DCDC1: variants seen among roughly 807,000 people sequenced by gnomAD.
DCDC1 encodes doublecortin domain-containing protein 1.
Under a neutral mutation model 178.3 loss-of-function variants are expected in DCDC1, and 200 were observed. The observed-to-expected ratio is 1.12, with a 90% CI of 1.00 to 1.26. The LOEUF is 1.26. Ranked by LOEUF, DCDC1 falls within the 50% of genes most tolerant of loss-of-function variation. DCDC1 has a pLI of 0.00. For synonymous variants in DCDC1, 690 were observed against 604.8 expected (o/e 1.14, Z -2.07); for missense variants, 1,983 against 1,749.2 (o/e 1.13, Z -2.38).
In DCDC1 at chr11:30,976,360, C is replaced by T. The variant is rs143473980; in HGVS notation, c.2592-23792G>A. On this transcript the variant is annotated intron_variant, in intron 20 of 38. Coordinates refer to ENST00000684477, the MANE Select transcript of DCDC1 (RefSeq NM_001387274.1). Reference sequence around the variant, plus strand: ...ACTATATTAAACTAAAAAGCTTCTGCACAGCAAAGTAAACAATCAACAAAG... The same window carrying T: ...ACTATATTAAACTAAAAAGCTTCTGTACAGCAAAGTAAACAATCAACAAAG... 6.9e-3 allele frequency among the ~76,000 whole-genome samples: 1,054 copies of T among 152,124 alleles called. 7 individuals are homozygous for T. Among genetic ancestry groups the T allele is most frequent in the Middle Eastern group, 0.031 (9 of 294 alleles).
intron 20 of DCDC1, among the ~76,000 whole-genome samples, chr11:30,979,710 T>C (rs1950289402): frequency 6.6e-6 from 1 of 152,040 alleles, no homozygotes; most frequent in Non-Finnish European, 1.5e-5. Flanking sequence ...CATGGAAAAA[T>C]AACCCATGTT....
chr11:31,295,550 G>A lies in DCDC1; in HGVS notation c.755-4698C>T, dbSNP rs112107624. ...CTCCCTCTTACCTAGGGAGACAGCC[G>A]ACAGCCAATGATTGACTGATTCTGG... On this transcript the variant is annotated intron_variant, in intron 6 of 38. Coordinates refer to ENST00000684477, the MANE Select transcript of DCDC1 (RefSeq NM_001387274.1). Among the ~76,000 whole-genome samples, 320 of 152,242 alleles carry A rather than the reference G, an allele frequency of 2.1e-3. 1 individual carries two copies. The highest frequency in any genetic ancestry group is 7.2e-3 in the African/African-American group (301 of 41,548).
At chr11:31,257,315 C>T (rs1417955857) in intron 8 of DCDC1, among the ~76,000 whole-genome samples, 1 of 152,100 alleles carries the variant, frequency 6.6e-6, no homozygotes, top group African/African-American at 2.4e-5. Flanking sequence ...TTAAAGTAAC[C>T]TCTATCAATC....
chr11:31,061,493 A>ATT (rs1430697697), intron 20 of DCDC1, among the ~76,000 whole-genome samples: 2 of 151,964 alleles, frequency 1.3e-5, no homozygotes, highest in Admixed American at 6.6e-5. Context: ...AGAAACTGAA[A>ATT]TTACATCTAC....
intron 17 of DCDC1, among the ~76,000 whole-genome samples, chr11:31,088,949 C>T (rs1426911434): frequency 1.3e-5 from 2 of 152,166 alleles, no homozygotes; most frequent in East Asian, 3.9e-4. Context: ...ATCTGCCCAC[C>T]TCAGTATCCC....
At chr11:31,224,747 A>G (rs555701275) in intron 9 of DCDC1, among the ~76,000 whole-genome samples, 1 of 152,256 alleles carries the variant, frequency 6.6e-6, no homozygotes, top group South Asian at 2.1e-4. Flanking sequence ...GCCAGCAAAC[A>G]TATGAAGAAA....
chr11:31,033,186 C>A (rs1953778384), intron 20 of DCDC1, among the ~76,000 whole-genome samples: 1 of 151,752 alleles, frequency 6.6e-6, no homozygotes, highest in African/African-American at 2.4e-5. Context: ...CAAAGCTGGC[C>A]CAAAAAAGTC....
chr11:31,310,270 GTTT>G (rs1231982729), intron 3 of DCDC1, among the ~76,000 whole-genome samples: 1 of 113,224 alleles, frequency 8.8e-6, no homozygotes, highest in Non-Finnish European at 1.8e-5. Flanking sequence ...GCTTTGATAT[GTTT>G]TACAACATTG....
chr11:30,887,207 C>T (rs78110818), intron 36 of DCDC1, among the ~76,000 whole-genome samples: 3,610 of 152,168 alleles, frequency 0.024, 122 homozygotes, highest in African/African-American at 0.082. Context: ...TGAAGAACGA[C>T]TTGTATTCAT....
At chr11:31,359,100 C>T (rs1444360322) in intron 1 of DCDC1, among the ~76,000 whole-genome samples, 2 of 152,028 alleles carry the variant, frequency 1.3e-5, no homozygotes, top group Admixed American at 6.6e-5. Flanking sequence ...ACCCAAAGGA[C>T]TATAAATCAT....
intron 6 of DCDC1, among the ~76,000 whole-genome samples, chr11:31,303,880 T>C (rs927686365): frequency 2.0e-5 from 3 of 152,104 alleles, no homozygotes; most frequent in Non-Finnish European, 2.9e-5. Flanking sequence ...AGCATAAAGA[T>C]TGATTATCAG....
At chr11:31,309,971 T>C (rs1234628746) in intron 3 of DCDC1, among the ~76,000 whole-genome samples, 4 of 152,278 alleles carry the variant, frequency 2.6e-5, no homozygotes, top group Admixed American at 1.3e-4. Context: ...GGGCTGTCTA[T>C]CATTTTTGTT....
rs576095701 is a variant in DCDC1 at position 31,173,254 on chromosome 11, T to C, written c.1222-35470A>G. Among the ~76,000 whole-genome samples, 6 of 152,346 alleles carry C rather than the reference T, an allele frequency of 3.9e-5. No homozygotes were observed. The South Asian group carries it at 1.2e-3, about 32-fold the overall frequency. ...AGAAAGTGACGAAGAATTTGGTGTA[T>C]ACCAACAATTAATTCAGTGTATGAC... On this transcript the variant is annotated intron_variant, in intron 9 of 38. Transcript: ENST00000684477.
intron 18 of DCDC1, among the ~76,000 whole-genome samples, chr11:31,075,793 T>C (rs963799563): frequency 6.6e-6 from 1 of 152,226 alleles, no homozygotes; most frequent in Non-Finnish European, 1.5e-5. Flanking sequence ...ATTAGCCCCC[T>C]GTGGGGGACT....
intron 9 of DCDC1, among the ~76,000 whole-genome samples, chr11:31,148,857 ACACTGTGCCCAATATG>A (rs1964793360): frequency 6.6e-6 from 1 of 152,120 alleles, no homozygotes; most frequent in Admixed American, 6.5e-5. Flanking sequence ...CAAGCAGTAT[ACACTGTGCCCAATATG>A]TAGTATTTTA....
intron 9 of DCDC1, among the ~76,000 whole-genome samples, chr11:31,165,070 A>G (rs1272222524): frequency 6.6e-6 from 1 of 152,214 alleles, no homozygotes; most frequent in Non-Finnish European, 1.5e-5. Flanking sequence ...CAAATAGGCT[A>G]TACCACATAG....
chr11:30,950,616 T>C (rs1328380192), intron 21 of DCDC1, among the ~76,000 whole-genome samples: 5 of 152,118 alleles, frequency 3.3e-5, no homozygotes, highest in African/African-American at 1.2e-4. Context: ...ACAAATATTG[T>C]ATGTTTTCAC....
intron 15 of DCDC1, among the ~76,000 whole-genome samples, chr11:31,094,538 G>T (rs531949459): frequency 5.7e-4 from 87 of 152,180 alleles, no homozygotes; most frequent in African/African-American, 2.0e-3. Context: ...AAAATGGTAC[G>T]CTCATTTCTG....
chr11:30,975,072 A>G (rs1292798228), intron 20 of DCDC1, among the ~76,000 whole-genome samples: 2 of 152,116 alleles, frequency 1.3e-5, no homozygotes, highest in Non-Finnish European at 2.9e-5. Context: ...TTCAACATGC[A>G]CAAATCAATA....
Sources: allele counts gnomAD v4.1 joint callset (sites outside exome capture counted in the v4.1 genomes callset), GRCh38; gene constraint gnomAD v4.1.1; transcripts MANE v1.5; gene names NCBI Gene and HGNC (gene_info 2026-07-23, HGNC 2026-07-21).